Variants in ACAD9 observed in about 807,000 individuals in gnomAD.
ACAD9 encodes the protein acyl-CoA dehydrogenase family member 9, also known as complex I assembly factor ACAD9, mitochondrial.
A neutral mutation model predicts 70.2 loss-of-function variants in ACAD9; 53 were observed. The observed-to-expected ratio is 0.75, with a 90% CI of 0.61 to 0.95. ACAD9 has a LOEUF of 0.95. ACAD9 is among the 40% of genes least tolerant of loss of function. The pLI is 0.00. For synonymous variants in ACAD9, 313 were observed against 312.1 expected, an observed-to-expected ratio of 1.00 and a Z score of -0.03; for missense variants, 777 against 802.8, an observed-to-expected ratio of 0.97 and a Z score of 0.39.
chr3:128,884,825 C>T, intron 2 of ACAD9, 79 bp downstream of exon 2: 1 of 1,123,628 alleles, frequency 8.9e-7, no homozygotes, highest in East Asian at 2.4e-5. Context: ...AAGTGACATA[C>T]ATAGGAGAAG....
Position 128,901,389 on chromosome 3 carries a change from A to G in ACAD9, c.882+40A>G, listed in dbSNP as rs201545766. On this transcript the variant is annotated intron_variant, in intron 8 of 17. Coordinates refer to ENST00000308982, the MANE Select transcript of ACAD9 (RefSeq NM_014049.5). ...ACAGCCCCTTGTACCAGGTAGTGTCATGAGTGCAGTTTGTCGCCCCCAGCT... is the reference window on the plus strand; with the variant it reads ...ACAGCCCCTTGTACCAGGTAGTGTCGTGAGTGCAGTTTGTCGCCCCCAGCT... 15 of 1,608,768 alleles carry G rather than the reference A, an allele frequency of 9.3e-6. No homozygotes were observed. In the Admixed American group the frequency reaches 2.3e-4, roughly 25 times the overall value.
chr3:128,886,391 G>A (rs529912539), intron 2 of ACAD9, among the ~76,000 whole-genome samples: 11 of 143,524 alleles, frequency 7.7e-5, no homozygotes, highest in African/African-American at 9.9e-5. Flanking sequence ...GTGAGCCACC[G>A]CGCCAGCTAA....
chr3:128,908,062 C>A, intron 12 of ACAD9, 123 bp from the exon 13 acceptor site: 1 of 915,116 alleles, frequency 1.1e-6, no homozygotes. Context: ...CCAGCTACTT[C>A]AGGAGCAGTG....
At chr3:128,888,076 G>C (rs1229706013) in intron 2 of ACAD9, among the ~76,000 whole-genome samples, 1 of 152,122 alleles carries the variant, frequency 6.6e-6, no homozygotes, top group Non-Finnish European at 1.5e-5. Flanking sequence ...CAAGTAGCCT[G>C]TTTTACTGCT....
intron 15 of ACAD9, 70 bp from the exon 16 acceptor site, chr3:128,909,951 G>T: frequency 5.0e-6 from 8 of 1,591,754 alleles, no homozygotes; most frequent in Non-Finnish European, 6.8e-6. Context: ...CAAAGATGCA[G>T]CCCAGGGAGG....
At chr3:128,896,415 G>A (rs371796920) in intron 4 of ACAD9, 21 bp from the exon 5 acceptor site, 1 of 1,611,086 alleles carries the variant, frequency 6.2e-7, no homozygotes, top group African/African-American at 1.3e-5. Context: ...GCTGACATTA[G>A]TCTGTGTCTG....
rs1683777 is a variant in ACAD9, at chr3:128,906,037, T to G, written c.1150-84T>G. 0.34 allele frequency: 541,124 copies of G among 1,595,776 alleles called. 100,690 individuals are homozygous for G. Among genetic ancestry groups the G allele is most frequent in the African/African-American group, 0.71 (53,314 of 74,598 alleles). ...CTGGCCGATCTCCTCCCCAAGCCCGTGTGCCTCCCATGCCTCCCCAGCCAC... is the reference window on the plus strand; with the variant it reads ...CTGGCCGATCTCCTCCCCAAGCCCGGGTGCCTCCCATGCCTCCCCAGCCAC... On this transcript the variant is annotated intron_variant, in intron 11 of 17. Transcript: ENST00000308982.
intron 9 of ACAD9, among the ~76,000 whole-genome samples, chr3:128,903,431 C>T (rs1935799276): frequency 6.6e-6 from 1 of 152,228 alleles, no homozygotes; most frequent in African/African-American, 2.4e-5. Context: ...GGGAGCTCCT[C>T]TGCTGGGGCT....
intron 11 of ACAD9, among the ~76,000 whole-genome samples, chr3:128,905,080 G>A (rs954236537): frequency 1.3e-5 from 2 of 152,074 alleles, no homozygotes; most frequent in South Asian, 2.1e-4. Context: ...CGGTGGGGGC[G>A]GAGGTTGCAG....
At position 128,879,778 on chromosome 3, in the gene ACAD9, A is replaced by G; in HGVS notation, c.87A>G (p.Leu29=). The part of the protein sequence containing the change: ...GLVVSTANRR[L]LRTSPPVRAF... ...TGGTCTCTACCGCGAACCGGCGGCT[A>G]CTGCGCACCAGCCCGCCTGTACGAG... The change falls in exon 1 of 18, where the codon CTA becomes CTG. Residue 29 remains leucine, a synonymous_variant. Coordinates refer to ENST00000308982, the MANE Select transcript of ACAD9 (RefSeq NM_014049.5). 1.9e-6 allele frequency: 3 copies of G among 1,613,730 alleles called. No homozygotes were observed. Among genetic ancestry groups the G allele is most frequent in the Non-Finnish European group, 2.5e-6 (3 of 1,180,006 alleles).
intron 2 of ACAD9, among the ~76,000 whole-genome samples, chr3:128,885,448 G>A (rs1294504386): frequency 6.6e-6 from 1 of 152,058 alleles, no homozygotes; most frequent in Non-Finnish European, 1.5e-5. Flanking sequence ...CTGGAGTGTG[G>A]TGGTACCATC....
intron 12 of ACAD9, among the ~76,000 whole-genome samples, chr3:128,907,000 T>A (rs1262479480): frequency 6.6e-6 from 1 of 150,796 alleles, no homozygotes; most frequent in East Asian, 2.0e-4. Flanking sequence ...ATGTGGAGAG[T>A]GAGTTGCAGG....
chr3:128,893,535 C>T lies in ACAD9; in HGVS notation c.245-20C>T, dbSNP rs187382716. On this transcript the variant is annotated intron_variant, in intron 2 of 17. Coordinates refer to ENST00000308982, the MANE Select transcript of ACAD9 (RefSeq NM_014049.5). ...GAAACATAGCTTATATTTGTTTAAT[C>T]AAGATTTTCCTCTTGGCAGTGGACT... is the stretch of plus-strand genomic sequence containing the variant. The T allele has an allele frequency of 1.8e-4, 284 of 1,570,686 alleles. No homozygotes were observed. Among genetic ancestry groups the T allele is most frequent in the Non-Finnish European group, 2.4e-4 (275 of 1,140,686 alleles).
At chr3:128,889,179 AC>A (rs571581857) in intron 2 of ACAD9, among the ~76,000 whole-genome samples, 1,654 of 151,154 alleles carry the variant, frequency 0.011, 35 homozygotes, top group African/African-American at 0.038. Flanking sequence ...AAAAAAAAAA[AC>A]AAAAAATATT....
At position 128,910,757 on chromosome 3, in the gene ACAD9, C is replaced by G; in HGVS notation, c.1709C>G (p.Thr570Ser). The change falls in exon 17 of 18, where the codon ACC (threonine) becomes AGC (serine). Residue 570 changes from threonine to serine, a missense_variant. Thr to Ser is a moderately conservative substitution (Grantham distance 58). Transcript: ENST00000308982. Reference protein sequence around the residue: ...NHDHEVLLANTFCVEAYLQNL... With the variant: ...NHDHEVLLANSFCVEAYLQNL... ...TTCTGGCAGGTTCTCTTGGCCAACA[C>G]CTTCTGCGTGGAAGCTTACTTGCAG... 1.2e-6 allele frequency: 2 copies of G among 1,614,236 alleles called. No individual in the cohort carries two copies. Among genetic ancestry groups the G allele is most frequent in the Non-Finnish European group, 1.7e-6 (2 of 1,180,044 alleles).
intron 15 of ACAD9, 132 bp downstream of exon 15, chr3:128,909,553 G>A: frequency 1.0e-6 from 1 of 994,430 alleles, no homozygotes; most frequent in Non-Finnish European, 1.5e-6. Flanking sequence ...GGAGGGATGG[G>A]GTGGTGAGGT....
chr3:128,894,412 C>A (rs896282891), intron 3 of ACAD9, among the ~76,000 whole-genome samples: 1 of 151,944 alleles, frequency 6.6e-6, no homozygotes, highest in Admixed American at 6.6e-5. Flanking sequence ...TTAATTGATT[C>A]GATGTGTGTG....
rs150053865 is a variant in ACAD9 at position 128,894,684 on chromosome 3, C to T, written c.347-626C>T. ...CCAAGTAGCTGGGACTACAGGCGTG[C>T]GCCGCCATGCCTGGTGAATTTTTTT... On this transcript the variant is annotated intron_variant, in intron 3 of 17. Coordinates refer to ENST00000308982, the MANE Select transcript of ACAD9 (RefSeq NM_014049.5). Among the ~76,000 whole-genome samples the T allele has an allele frequency of 9.7e-3, 1,474 of 151,664 alleles. 15 individuals carry two copies. The highest frequency in any genetic ancestry group is 0.034 in the African/African-American group (1,396 of 41,366).
chr3:128,884,783 T>C (rs752560901), intron 2 of ACAD9, 37 bp downstream of exon 2: 1 of 1,431,628 alleles, frequency 7.0e-7, no homozygotes, highest in Non-Finnish European at 9.9e-7. Context: ...CGATTTCCAT[T>C]GTAAGGGCTA....
Sources: gnomAD v4.1 joint callset for allele counts (sites outside exome capture counted in the v4.1 genomes callset) on GRCh38, gnomAD v4.1.1 for gene constraint, MANE v1.5 for transcripts, NCBI Gene and HGNC (gene_info 2026-07-23, HGNC 2026-07-21) for gene names.